Variants in DCUN1D5 observed in about 807,000 individuals in gnomAD.
DCUN1D5 encodes the protein defective in cullin neddylation 1 domain containing 5.
In DCUN1D5, 10 loss-of-function variants were observed where a neutral mutation model predicts 38.3. That is an observed-to-expected ratio of 0.26 (90% confidence interval 0.16 to 0.44). The LOEUF is 0.44. DCUN1D5 is among the 20% of genes least tolerant of loss of function. The pLI, the probability that DCUN1D5 is intolerant of heterozygous loss-of-function variation, is 1.00. For synonymous variants in DCUN1D5, 93 were observed against 90.9 expected, an observed-to-expected ratio of 1.02 and a Z score of -0.13; for missense variants, 148 against 275.3, an observed-to-expected ratio of 0.54 and a Z score of 3.27.
At chr11:103,090,323 T>C (rs1862825690) in intron 1 of DCUN1D5, among the ~76,000 whole-genome samples, 1 of 152,232 alleles carries the variant, frequency 6.6e-6, no homozygotes, top group South Asian at 2.1e-4. Flanking sequence ...CAAATTCTAA[T>C]GTTGACAAAC....
chr11:103,091,937 C>A lies in DCUN1D5; in HGVS notation c.-65G>T. The A allele has an allele frequency of 6.8e-7, 1 of 1,473,834 alleles. No homozygotes were observed. The highest frequency in any genetic ancestry group is 9.2e-7 in the Non-Finnish European group (1 of 1,084,964). 91.3% of individuals were successfully genotyped at this position (1,473,834 alleles called of 1,614,324 possible). A position where few individuals can be genotyped will look rare whatever the true frequency, so the allele number is the denominator to read the frequency against. ...AAGGGGGTCCCTGTCCGCTGGAAGC[C>A]CCTCAGCGCTGGCACCCAGTTCCCA... On this transcript the variant is annotated 5_prime_UTR_variant, in exon 1 of 8. Transcript: ENST00000260247. This position sits in a 1 kb window ranked among gnomAD's most constrained non-coding sequence, Gnocchi z 4.3.
rs1385952518 is a variant in DCUN1D5 at position 103,077,450 on chromosome 11, T to C, written c.341+5298A>G. On this transcript the variant is annotated intron_variant, in intron 4 of 7. Coordinates refer to ENST00000260247, the MANE Select transcript of DCUN1D5 (RefSeq NM_032299.4). The surrounding 1 kb of genome is among the most constrained non-coding windows in gnomAD (Gnocchi z 4.3). ...CGTACTATGGAAAGCAAGAGATAGT[T>C]TTCCAAATAACAACCAAATAAAACC... is the stretch of plus-strand genomic sequence containing the variant. Among the ~76,000 whole-genome samples, 1 of 152,170 alleles carries C rather than the reference T, an allele frequency of 6.6e-6. No individual in the cohort carries two copies. Among genetic ancestry groups the C allele is most frequent in the East Asian group, 1.9e-4 (1 of 5,196 alleles).
intron 2 of DCUN1D5, 106 bp downstream of exon 2, chr11:103,089,121 C>T: frequency 8.8e-7 from 1 of 1,135,628 alleles, no homozygotes; most frequent in African/African-American, 1.5e-5. Flanking sequence ...TCCCAGTACA[C>T]AGCACTAACA....
rs998465251 is a variant in DCUN1D5 at position 103,075,661 on chromosome 11, G to A, written c.341+7087C>T. ...CCCAAAGTGCTGGGATTACAGGCGT[G>A]AGCCACCGGGCCTGGCCAAGATGTT... On this transcript the variant is annotated intron_variant, in intron 4 of 7. Coordinates refer to ENST00000260247, the MANE Select transcript of DCUN1D5 (RefSeq NM_032299.4). Among the ~76,000 whole-genome samples, 6 of 152,334 alleles carry A rather than the reference G, an allele frequency of 3.9e-5. No individual in the cohort carries two copies. The East Asian group carries it at 1.2e-3, about 29-fold the overall frequency.
rs1240175870 is a variant in DCUN1D5, at chr11:103,055,777, T to C, written c.*6582A>G. 2 of 152,218 alleles carry C rather than the reference T, an allele frequency of 1.3e-5. No homozygotes were observed. The highest frequency in any genetic ancestry group is 1.9e-4 in the East Asian group (1 of 5,204). 9.4% of individuals were successfully genotyped at this position (152,218 alleles called of 1,614,324 possible). On this transcript the variant is annotated 3_prime_UTR_variant, in exon 8 of 8. Coordinates refer to ENST00000260247, the MANE Select transcript of DCUN1D5 (RefSeq NM_032299.4). Reference sequence around the variant, plus strand: ...GACTTAAAATAAGATTACACACTGATGACTTCCAAATATATTTATCTCCAG... The same window carrying C: ...GACTTAAAATAAGATTACACACTGACGACTTCCAAATATATTTATCTCCAG...
rs1008411825 is a variant in DCUN1D5, at chr11:103,056,821, G to GA, written c.*5537dup. ...TTTATAAAAGACAGTAAATTTGTCA[G>GA]AAAAAAATAAACTATCATAACTAAC... On this transcript the variant is annotated 3_prime_UTR_variant, in exon 8 of 8. Transcript: ENST00000260247. This position sits in a 1 kb window ranked among gnomAD's most constrained non-coding sequence, Gnocchi z 4.9. 6.6e-6 allele frequency among the ~76,000 whole-genome samples: 1 copy of GA among 152,026 alleles called. No individual in the cohort carries two copies. The highest frequency in any genetic ancestry group is 1.5e-5 in the Non-Finnish European group (1 of 67,978).
chr11:103,067,344 T>A (rs1231907509), intron 4 of DCUN1D5, among the ~76,000 whole-genome samples: 3 of 152,174 alleles, frequency 2.0e-5, no homozygotes, highest in African/African-American at 7.2e-5. Flanking sequence ...CTCCTGCCAC[T>A]TCCTGATAAC....
Position 103,062,539 on chromosome 11 carries a change from C to A in DCUN1D5, c.659-125G>T. ...CTTCCTTTCTTTGGGTGTTCTGCTT[C>A]TAGACACCTTATTCCATTTAATGGT... On this transcript the variant is annotated intron_variant, in intron 7 of 7. Transcript: ENST00000260247. This position sits in a 1 kb window ranked among gnomAD's most constrained non-coding sequence, Gnocchi z 4.6. The A allele has an allele frequency of 1.3e-6, 1 of 769,920 alleles. No individual in the cohort carries two copies. The allele number at this position is 769,920 out of a possible 1,614,324, so 47.7% of individuals were successfully genotyped here. A position where few individuals can be genotyped will look rare whatever the true frequency, so the allele number is the denominator to read the frequency against.
intron 4 of DCUN1D5, among the ~76,000 whole-genome samples, chr11:103,082,387 G>T (rs946840932): frequency 6.6e-6 from 1 of 152,004 alleles, no homozygotes; most frequent in Non-Finnish European, 1.5e-5. Flanking sequence ...AGAGCTTAGG[G>T]CTGCCCAACG....
rs1861839839 is a variant in DCUN1D5, at chr11:103,055,032, C to G, written c.*7327G>C. On this transcript the variant is annotated 3_prime_UTR_variant, in exon 8 of 8. Coordinates refer to ENST00000260247, the MANE Select transcript of DCUN1D5 (RefSeq NM_032299.4). Reference sequence around the variant, plus strand: ...TTTGATCTTTGAATATTTGCATATTCATAATAAGATACCTTGGGGATGGGA... The same window carrying G: ...TTTGATCTTTGAATATTTGCATATTGATAATAAGATACCTTGGGGATGGGA... 6.6e-6 allele frequency: 1 copy of G among 152,042 alleles called. No homozygotes were observed. The highest frequency in any genetic ancestry group is 6.6e-5 in the Admixed American group (1 of 15,266). 9.4% of individuals were successfully genotyped at this position (152,042 alleles called of 1,614,324 possible). A position where few individuals can be genotyped will look rare whatever the true frequency, so the allele number is the denominator to read the frequency against.
chr11:103,065,672 T>A lies in DCUN1D5; in HGVS notation c.555+597A>T, dbSNP rs570889956. Among the ~76,000 whole-genome samples the A allele has an allele frequency of 6.6e-6, 1 of 152,236 alleles. No homozygotes were observed. Among genetic ancestry groups the A allele is most frequent in the East Asian group, 1.9e-4 (1 of 5,186 alleles). On this transcript the variant is annotated intron_variant, in intron 6 of 7. Coordinates refer to ENST00000260247, the MANE Select transcript of DCUN1D5 (RefSeq NM_032299.4). This position sits in a 1 kb window ranked among gnomAD's most constrained non-coding sequence, Gnocchi z 4.6. ...AATGGAAAAAAAGAATAGCATCTTCTTAGAATCACTGCCTATAGTAGTTGC... is the reference window on the plus strand; with the variant it reads ...AATGGAAAAAAAGAATAGCATCTTCATAGAATCACTGCCTATAGTAGTTGC...
chr11:103,090,371 ATACTCCATAGACTCCTT>A (rs1487024383), intron 1 of DCUN1D5, among the ~76,000 whole-genome samples: 1 of 152,202 alleles, frequency 6.6e-6, no homozygotes, highest in East Asian at 1.9e-4. Flanking sequence ...TAATAGCCTA[ATACTCCATAGACTCCTT>A]TACCAAAACA....
Position 103,077,477 on chromosome 11 carries a change from C to T in DCUN1D5, c.341+5271G>A, listed in dbSNP as rs1373414174. On this transcript the variant is annotated intron_variant, in intron 4 of 7. Transcript: ENST00000260247. The surrounding 1 kb of genome is among the most constrained non-coding windows in gnomAD (Gnocchi z 4.3). ...TCCAAATAACAACCAAATAAAACCA[C>T]ACAGATTTGAGGGAACACTGGCACA... Among the ~76,000 whole-genome samples the T allele has an allele frequency of 6.6e-6, 1 of 152,132 alleles. No homozygotes were observed. Among genetic ancestry groups the T allele is most frequent in the African/African-American group, 2.4e-5 (1 of 41,422 alleles).
In DCUN1D5 at chr11:103,083,511, C is replaced by G. The variant is rs1019460142; in HGVS notation, c.179-185G>C. ...TAAAATTTAAAATTTGTGAAGTATT[C>G]TTTGAACACCAGATTACAATATGAA... On this transcript the variant is annotated intron_variant, in intron 2 of 7. Transcript: ENST00000260247. This position sits in a 1 kb window ranked among gnomAD's most constrained non-coding sequence, Gnocchi z 4.4. Among the ~76,000 whole-genome samples, 3 of 151,798 alleles carry G rather than the reference C, an allele frequency of 2.0e-5. No homozygotes were observed. The highest frequency in any genetic ancestry group is 7.3e-5 in the African/African-American group (3 of 41,366).
At position 103,065,154 on chromosome 11, in the gene DCUN1D5, CTT is replaced by C. The variant is rs527703228; in HGVS notation, c.556-779_556-778del. 0.025 allele frequency among the ~76,000 whole-genome samples: 3,591 copies of C among 144,824 alleles called. 161 individuals are homozygous for C. The highest frequency in any genetic ancestry group is 0.085 in the African/African-American group (3,391 of 39,868). ...GTAAGACCTTTTCATATCATTGTCTCTTTTTTTTTTTTTCTGAGACAGAGTCT... is the reference window on the plus strand; with the variant it reads ...GTAAGACCTTTTCATATCATTGTCTCTTTTTTTTTTTCTGAGACAGAGTCT... On this transcript the variant is annotated intron_variant, in intron 6 of 7. Coordinates refer to ENST00000260247, the MANE Select transcript of DCUN1D5 (RefSeq NM_032299.4). The surrounding 1 kb of genome is among the most constrained non-coding windows in gnomAD (Gnocchi z 4.6).
rs1037396879 is a variant in DCUN1D5, at chr11:103,061,125, T to C, written c.*1234A>G. On this transcript the variant is annotated 3_prime_UTR_variant, in exon 8 of 8. Coordinates refer to ENST00000260247, the MANE Select transcript of DCUN1D5 (RefSeq NM_032299.4). ...AAATGTCATTCTCTTAGGTAATCAA[T>C]ATGGAGAAATCATTCTTTAAACAAA... is the stretch of plus-strand genomic sequence containing the variant. 1.3e-5 allele frequency among the ~76,000 whole-genome samples: 2 copies of C among 152,154 alleles called. No individual in the cohort carries two copies. The highest frequency in any genetic ancestry group is 2.9e-5 in the Non-Finnish European group (2 of 68,012).
At position 103,065,154 on chromosome 11, in the gene DCUN1D5, C is replaced by CTT. The variant is rs527703228; in HGVS notation, c.556-779_556-778dup. On this transcript the variant is annotated intron_variant, in intron 6 of 7. Transcript: ENST00000260247. This position sits in a 1 kb window ranked among gnomAD's most constrained non-coding sequence, Gnocchi z 4.6. ...GTAAGACCTTTTCATATCATTGTCTCTTTTTTTTTTTTTCTGAGACAGAGT... is the reference window on the plus strand; with the variant it reads ...GTAAGACCTTTTCATATCATTGTCTCTTTTTTTTTTTTTTTCTGAGACAGAGT... Among the ~76,000 whole-genome samples, 6 of 144,866 alleles carry CTT rather than the reference C, an allele frequency of 4.1e-5. No individual in the cohort carries two copies. Among genetic ancestry groups the CTT allele is most frequent in the Non-Finnish European group, 1.5e-5 (1 of 65,604 alleles).
chr11:103,065,331 A>G lies in DCUN1D5; in HGVS notation c.555+938T>C, dbSNP rs541391752. On this transcript the variant is annotated intron_variant, in intron 6 of 7. Transcript: ENST00000260247. This position sits in a 1 kb window ranked among gnomAD's most constrained non-coding sequence, Gnocchi z 4.6. Reference sequence around the variant, plus strand: ...CACACCCAGCTAATTTTTTGTGTGTATTTTTAGTAGAGACGGGGATTCACC... The same window carrying G: ...CACACCCAGCTAATTTTTTGTGTGTGTTTTTAGTAGAGACGGGGATTCACC... 6.6e-6 allele frequency among the ~76,000 whole-genome samples: 1 copy of G among 152,076 alleles called. No individual in the cohort carries two copies. The highest frequency in any genetic ancestry group is 2.1e-4 in the South Asian group (1 of 4,822).
rs1036084311 is a variant in DCUN1D5, at chr11:103,068,522, G to A, written c.342-1955C>T. Reference sequence around the variant, plus strand: ...CTAAGCAGCCATAAAAAAAGAACACGATCATACATTTTGCGGGAACATGGA... The same window carrying A: ...CTAAGCAGCCATAAAAAAAGAACACAATCATACATTTTGCGGGAACATGGA... On this transcript the variant is annotated intron_variant, in intron 4 of 7. Transcript: ENST00000260247. Among the ~76,000 whole-genome samples, 11 of 152,038 alleles carry A rather than the reference G, an allele frequency of 7.2e-5. 1 individual carries two copies. Among genetic ancestry groups the A allele is most frequent in the Admixed American group, 3.9e-4 (6 of 15,262 alleles).
Sources: allele counts gnomAD v4.1 joint callset (sites outside exome capture counted in the v4.1 genomes callset), GRCh38; gene constraint gnomAD v4.1.1; non-coding constraint Gnocchi (gnomAD v3.1); transcripts MANE v1.5; gene names NCBI Gene and HGNC (gene_info 2026-07-23, HGNC 2026-07-21).